The following FAT3 variants were observed in gnomAD, a reference collection of about 807,000 sequenced individuals.
FAT3 encodes the protein FAT atypical cadherin 3.
Under a neutral mutation model 310.2 loss-of-function variants are expected in FAT3, and 95 were observed. That is an observed-to-expected ratio of 0.31 (90% CI 0.26 to 0.36). The LOEUF (loss-of-function observed/expected upper bound fraction) is 0.36. FAT3 is among the 10% of genes least tolerant of loss of function. The pLI is 1.00. For missense variants in FAT3, 5,408 were observed against 5,715.6 expected (o/e 0.95, Z 1.74); for synonymous variants, 2,314 against 2,192.9 (o/e 1.06, Z -1.54).
intron 9 of FAT3, among the ~76,000 whole-genome samples, chr11:92,793,331 G>A (rs934776948): frequency 1.3e-5 from 2 of 152,114 alleles, no homozygotes; most frequent in Admixed American, 6.6e-5. Flanking sequence ...GATCATCTGA[G>A]GCCTGCCAGG....
intron 1 of FAT3, among the ~76,000 whole-genome samples, chr11:92,243,763 C>T (rs1864767698): frequency 1.3e-5 from 2 of 152,122 alleles, no homozygotes; most frequent in Middle Eastern, 6.8e-3. Flanking sequence ...GAGTTTGAAC[C>T]ATAAGCCAAG....
chr11:92,507,723 A>G (rs1006264729), intron 2 of FAT3, among the ~76,000 whole-genome samples: 1 of 151,938 alleles, frequency 6.6e-6, no homozygotes, highest in Admixed American at 6.6e-5. Flanking sequence ...ATATACATGT[A>G]TATGTACATA....
intron 2 of FAT3, among the ~76,000 whole-genome samples, chr11:92,512,556 AAT>A (rs1162468625): frequency 1.4e-5 from 2 of 147,170 alleles, no homozygotes; most frequent in Non-Finnish European, 3.0e-5. Flanking sequence ...TATATATATA[AAT>A]ATATATAAAT....
chr11:92,529,954 G>A (rs544657226), intron 3 of FAT3, among the ~76,000 whole-genome samples: 32 of 152,276 alleles, frequency 2.1e-4, no homozygotes, highest in East Asian at 5.8e-4. Context: ...CACTTTAGGC[G>A]ACTTAGGAGG....
intron 2 of FAT3, among the ~76,000 whole-genome samples, chr11:92,438,965 A>T (rs1318719743): frequency 6.6e-6 from 1 of 152,232 alleles, no homozygotes; most frequent in Non-Finnish European, 1.5e-5. Flanking sequence ...TTACACAATC[A>T]TTCCATCTCA....
At chr11:92,657,665 T>C (rs1591573571) in intron 3 of FAT3, among the ~76,000 whole-genome samples, 1 of 152,364 alleles carries the variant, frequency 6.6e-6, no homozygotes, top group East Asian at 1.9e-4. Flanking sequence ...TATCAAATTT[T>C]CAGAGGACAT....
chr11:92,289,504 C>G, intron 1 of FAT3, among the ~76,000 whole-genome samples: 1 of 121,596 alleles, frequency 8.2e-6, no homozygotes, highest in South Asian at 2.3e-4. Context: ...GATAGATACA[C>G]ACACACACAC....
intron 3 of FAT3, among the ~76,000 whole-genome samples, chr11:92,591,640 G>A (rs1405316144): frequency 6.6e-6 from 1 of 152,024 alleles, no homozygotes; most frequent in Non-Finnish European, 1.5e-5. Context: ...AGACTAGGAG[G>A]AATACCAAGT....
intron 1 of FAT3, among the ~76,000 whole-genome samples, chr11:92,315,617 A>G (rs1947441001): frequency 6.7e-6 from 1 of 149,206 alleles, no homozygotes; most frequent in Admixed American, 6.7e-5. Context: ...ACTGCCTTTT[A>G]GGCTCAAGTG....
At chr11:92,870,424 C>G (rs573439319) in intron 22 of FAT3, among the ~76,000 whole-genome samples, 8 of 151,750 alleles carry the variant, frequency 5.3e-5, no homozygotes, top group Non-Finnish European at 5.9e-5. Flanking sequence ...ATAAATATGA[C>G]TCTATAAACC....
rs1019384192 is a variant in FAT3 at position 92,867,245 on chromosome 11, G to A, written c.12127+36G>A. 3.0e-5 allele frequency: 45 copies of A among 1,504,358 alleles called. No homozygotes were observed. The East Asian group carries it at 7.5e-4, about 25-fold the overall frequency. The allele number at this position is 1,504,358 out of a possible 1,614,324, so 93.2% of individuals were successfully genotyped here. On this transcript the variant is annotated intron_variant, in intron 22 of 27. Transcript: ENST00000525166. ...CTACGCAGTGGGCACTGGCCTGGGGGTTTGAGGGGAGAGTGAATGAACTGC... is the reference window on the plus strand; with the variant it reads ...CTACGCAGTGGGCACTGGCCTGGGGATTTGAGGGGAGAGTGAATGAACTGC...
intron 1 of FAT3, among the ~76,000 whole-genome samples, chr11:92,294,204 G>A (rs1264750333): frequency 5.9e-5 from 9 of 152,124 alleles, no homozygotes; most frequent in Non-Finnish European, 4.4e-5. Flanking sequence ...CATGCATGCA[G>A]AAAGAAAGAA....
intron 8 of FAT3, among the ~76,000 whole-genome samples, chr11:92,790,668 A>G (rs192914496): frequency 1.4e-4 from 22 of 152,346 alleles, no homozygotes; most frequent in African/African-American, 5.3e-4. Flanking sequence ...TTGTACTGGC[A>G]CTGGACCTAG....
chr11:92,446,308 G>A (rs1293076963), intron 2 of FAT3, among the ~76,000 whole-genome samples: 1 of 152,138 alleles, frequency 6.6e-6, no homozygotes, highest in African/African-American at 2.4e-5. Flanking sequence ...TTACAGGTGA[G>A]GAAATTATGA....
At chr11:92,276,536 G>A (rs1946276797) in intron 1 of FAT3, among the ~76,000 whole-genome samples, 1 of 152,118 alleles carries the variant, frequency 6.6e-6, no homozygotes, top group Non-Finnish European at 1.5e-5. Context: ...CCAATGGAAT[G>A]TTAGCATTCG....
chr11:92,622,907 C>T (rs1349174097), intron 3 of FAT3, among the ~76,000 whole-genome samples: 2 of 152,116 alleles, frequency 1.3e-5, no homozygotes, highest in Non-Finnish European at 2.9e-5. Context: ...GAACAAGCTT[C>T]CTCTTAAAGA....
rs553088927 is a variant in FAT3, at chr11:92,534,534, A to C, written c.3607+9586A>C. Among the ~76,000 whole-genome samples the C allele has an allele frequency of 6.6e-5, 10 of 152,316 alleles. No individual in the cohort carries two copies. In the South Asian group the frequency reaches 1.9e-3, roughly 28 times the overall value. ...GTTAGGGGTTGAATTGTTCCCCAAA[A>C]AGACACACAACTCCCAGCCCACACT... On this transcript the variant is annotated intron_variant, in intron 3 of 27. Coordinates refer to ENST00000525166, the MANE Select transcript of FAT3 (RefSeq NM_001367949.2).
At chr11:92,507,864 G>A (rs115741792) in intron 2 of FAT3, among the ~76,000 whole-genome samples, 2,630 of 148,992 alleles carry the variant, frequency 0.018, 37 homozygotes, top group African/African-American at 0.044. Context: ...TTGCATGTGC[G>A]TGTATACCCC....
intron 4 of FAT3, among the ~76,000 whole-genome samples, chr11:92,710,742 G>A (rs2135947155): frequency 6.6e-6 from 1 of 152,296 alleles, no homozygotes; most frequent in South Asian, 2.1e-4. Context: ...TTTGATACAT[G>A]CACAAAACCA....
Sources: allele counts gnomAD v4.1 joint callset (sites outside exome capture counted in the v4.1 genomes callset), GRCh38; gene constraint gnomAD v4.1.1; transcripts MANE v1.5; gene names NCBI Gene and HGNC (gene_info 2026-07-23, HGNC 2026-07-21).